COL5A3: variants seen among roughly 807,000 people sequenced by gnomAD.
COL5A3 encodes the protein collagen type V alpha 3 chain.
In COL5A3, 172 loss-of-function variants were observed where a neutral mutation model predicts 250.0. That is an observed-to-expected ratio of 0.69 (90% CI 0.61 to 0.78). The LOEUF is 0.78. Among genes scored for constraint, COL5A3 ranks in the 30% least tolerant of loss-of-function variants. COL5A3 has a pLI of 0.00. For missense variants in COL5A3, 2,340 were observed against 2,334.4 expected (o/e 1.00, Z -0.05); for synonymous variants, 937 against 900.4 (o/e 1.04, Z -0.73).
At chr19:10,005,411 T>C (rs1011667421) in intron 4 of COL5A3, 147 bp downstream of exon 4, 5 of 766,160 alleles carry the variant, frequency 6.5e-6, no homozygotes, top group Non-Finnish European at 1.1e-5. Context: ...GCTGCAACGG[T>C]GCACGAAAGC....
At chr19:10,002,152 C>G (rs1485444199) in intron 6 of COL5A3, among the ~76,000 whole-genome samples, 1 of 152,164 alleles carries the variant, frequency 6.6e-6, no homozygotes, top group East Asian at 1.9e-4. Context: ...GGGCCAGGCT[C>G]CCGGAAGCCT....
chr19:9,996,784 A>G (rs2087280436), intron 11 of COL5A3, 95 bp from the exon 12 acceptor site: 1 of 836,088 alleles, frequency 1.2e-6, no homozygotes, highest in South Asian at 1.8e-5. Flanking sequence ...TCAGAAAGAG[A>G]GAGAGAGGGA....
At chr19:9,964,921 T>C in intron 64 of COL5A3, among the ~76,000 whole-genome samples, 1 of 128,620 alleles carries the variant, frequency 7.8e-6, no homozygotes, top group Non-Finnish European at 1.6e-5. Flanking sequence ...TGGTGGCGCA[T>C]GCCTGTAATT....
In COL5A3 at chr19:9,968,069, C is replaced by T. The variant is rs765540234; in HGVS notation, c.4325G>A (p.Gly1442Asp). The change falls in exon 60 of 67, where the codon GGT (glycine) becomes GAT (aspartate). Residue 1442 changes from glycine (G) to aspartate (D), a missense_variant. Gly to Asp is a moderately conservative substitution (Grantham distance 94). Transcript: ENST00000264828. The surrounding 1 kb of genome is among the most constrained non-coding windows in gnomAD (Gnocchi z 4.1). ...PGPKGDPGPP[G>D]PIGSLGHPGP... Reference sequence around the variant, plus strand: ...AGGGTGGCCCAGAGAGCCAATGGGACCAGGGGGACCCTAGGAAAAGGACAT... The same window carrying T: ...AGGGTGGCCCAGAGAGCCAATGGGATCAGGGGGACCCTAGGAAAAGGACAT... The T allele has an allele frequency of 6.3e-7, 1 of 1,588,074 alleles. No individual in the cohort carries two copies. Among genetic ancestry groups the T allele is most frequent in the Non-Finnish European group, 8.5e-7 (1 of 1,173,324 alleles).
At chr19:9,998,604 C>T (rs1050020515) in intron 8 of COL5A3, among the ~76,000 whole-genome samples, 11 of 152,174 alleles carry the variant, frequency 7.2e-5, no homozygotes, top group Admixed American at 6.5e-5. Context: ...AAGTTAGTTA[C>T]AACTATGTGT....
intron 32 of COL5A3, 129 bp downstream of exon 32, chr19:9,981,936 C>T (rs1175834672): frequency 6.7e-6 from 5 of 746,510 alleles, no homozygotes; most frequent in African/African-American, 3.5e-5. Flanking sequence ...CATATAATAG[C>T]ATGTGTGCAC....
Position 9,997,363 on chromosome 19 carries a change from T to G in COL5A3, c.1263+8A>C, listed in dbSNP as rs753416257. 3.1e-6 allele frequency: 5 copies of G among 1,603,640 alleles called. No individual in the cohort carries two copies. In the South Asian group the frequency reaches 4.5e-5, roughly 14 times the overall value. On this transcript the variant is annotated splice_region_variant and intron_variant, in intron 11 of 66. Transcript: ENST00000264828. ...TGAGAAGTGTACACCCCAGTGGGAGTCTCTTACCGGTGGACCAGGGTCGCC... is the reference window on the plus strand; with the variant it reads ...TGAGAAGTGTACACCCCAGTGGGAGGCTCTTACCGGTGGACCAGGGTCGCC...
chr19:9,979,109 A>T (rs762947936), intron 39 of COL5A3, 23 bp downstream of exon 39: 3 of 1,524,502 alleles, frequency 2.0e-6, no homozygotes, highest in Admixed American at 2.2e-5. Context: ...TTCAACCAAG[A>T]TCTCCAGTGG....
chr19:9,971,363 C>G, intron 51 of COL5A3, 105 bp from the exon 52 acceptor site: 1 of 811,144 alleles, frequency 1.2e-6, no homozygotes, highest in Non-Finnish European at 1.9e-6. Flanking sequence ...TCTGGGGACA[C>G]ATTAGTGAAC....
In COL5A3 at chr19:9,986,747, G is replaced by A; in HGVS notation, c.2157C>T (p.Gly719=). The change falls in exon 28 of 67, where the codon GGC becomes GGT. Residue 719 remains glycine (G), a synonymous_variant. Transcript: ENST00000264828. The part of the protein sequence containing the change: ...PGPRGVKGTS[G]NRGLQGEKGE... ...CTTTCTCCCCCTGGAGGCCCCGGTT[G>A]CCTGAAGTGCCCTGGAAAATAAAAA... 1 of 1,607,508 alleles carries A rather than the reference G, an allele frequency of 6.2e-7. No individual in the cohort carries two copies.
chr19:9,979,734 C>T lies in COL5A3; in HGVS notation c.2712+105G>A, dbSNP rs181683585. On this transcript the variant is annotated intron_variant, in intron 37 of 66. Transcript: ENST00000264828. ...CTGGGAGGCAAAGGTTGCAGTGAGC[C>T]GAGATTGCCCCACTGCACTCTAGCC... 1.3e-3 allele frequency: 1,404 copies of T among 1,112,292 alleles called. 1 individual carries two copies. Among genetic ancestry groups the T allele is most frequent in the Middle Eastern group, 3.6e-3 (12 of 3,290 alleles). 68.9% of individuals were successfully genotyped at this position (1,112,292 alleles called of 1,614,324 possible). A position where few individuals can be genotyped will look rare whatever the true frequency, so the allele number is the denominator to read the frequency against.
At chr19:9,964,854 TAAAAAAAAAAAAAAAAAAAAA>T (rs57037583) in intron 64 of COL5A3, among the ~76,000 whole-genome samples, 10,372 of 48,430 alleles carry the variant, frequency 0.21, 877 homozygotes, top group South Asian at 0.41. Flanking sequence ...CCATCTCTAC[TAAAAAAAAAAAAAAAAAAAAA>T]AAAAAAAAAA....
Position 9,966,409 on chromosome 19 carries a change from G to T in COL5A3, c.4687C>A (p.Pro1563Thr). 1 of 1,604,794 alleles carries T rather than the reference G, an allele frequency of 6.2e-7. No homozygotes were observed. The highest frequency in any genetic ancestry group is 8.5e-7 in the Non-Finnish European group (1 of 1,174,274). The change falls in exon 64 of 67, where the codon CCC (proline) becomes ACC (threonine). Residue 1563 changes from proline to threonine, a missense_variant. Around this residue, in one of 3 missense-constraint regions of COL5A3, gnomAD observed 1,179 missense variants for 1,162.6 expected, o/e 1.01. Transcript: ENST00000264828. ...GAGTCCCGCGCGCAGCCCTGGTTGG[G>T]GTCAATCCAGTATTCCCCTGCCGCA... Reference protein sequence around the residue: ...HLPDGEYWIDPNQGCARDSFR... With the variant: ...HLPDGEYWIDTNQGCARDSFR...
chr19:9,987,291 T>C (rs911655505), intron 27 of COL5A3, among the ~76,000 whole-genome samples: 1 of 152,172 alleles, frequency 6.6e-6, no homozygotes, highest in Non-Finnish European at 1.5e-5. Flanking sequence ...ATGTGGTTAG[T>C]CTCCAGCTAC....
In COL5A3 at chr19:9,966,384, G is replaced by C; in HGVS notation, c.4712C>G (p.Ser1571Trp). 6.2e-7 allele frequency: 1 copy of C among 1,609,800 alleles called. No individual in the cohort carries two copies. Among genetic ancestry groups the C allele is most frequent in the Non-Finnish European group, 8.5e-7 (1 of 1,177,448 alleles). ...CGTGAAGTTGCAAAAAACCCTGAAC[G>C]AGTCCCGCGCGCAGCCCTGGTTGGG... The part of the protein sequence containing the change: ...IDPNQGCARD[S>W]FRVFCNFTAG... Residue 1571 changes from serine to tryptophan, a missense_variant, in exon 64 of 67, where the codon TCG becomes TGG. Ser to Trp is a radical substitution (Grantham distance 177). This residue lies in a region of COL5A3 where 1,179 missense variants were observed against 1,162.6 expected (regional missense o/e 1.01). Transcript: ENST00000264828.
intron 31 of COL5A3, among the ~76,000 whole-genome samples, chr19:9,982,790 CCCATT>C (rs2087028521): frequency 1.3e-5 from 2 of 152,286 alleles, no homozygotes; most frequent in East Asian, 3.9e-4. Flanking sequence ...CGCCTCAAAG[CCCATT>C]TCAGGCTCCC....
rs1309687691 is a variant in COL5A3, at chr19:9,989,509, T to C, written c.2006A>G (p.Asn669Ser). 1 of 1,612,400 alleles carries C rather than the reference T, an allele frequency of 6.2e-7. No homozygotes were observed. The highest frequency in any genetic ancestry group is 1.3e-5 in the African/African-American group (1 of 74,850). Residue 669 changes from asparagine (N) to serine (S), a missense_variant, in exon 25 of 67, where the codon AAC becomes AGC. This residue lies in a region of COL5A3 where 1,152 missense variants were observed against 1,146.3 expected (regional missense o/e 1.00). Coordinates refer to ENST00000264828, the MANE Select transcript of COL5A3 (RefSeq NM_015719.4). ...TCCTGGGAGGCCTGGAATTCCTGGGTTTCCAGGGGGACCCTGAAAGAAGAT... is the reference window on the plus strand; with the variant it reads ...TCCTGGGAGGCCTGGAATTCCTGGGCTTCCAGGGGGACCCTGAAAGAAGAT... ...GTPGEKGPPG[N>S]PGIPGLPGSD... is the part of the protein sequence containing the mutation.
Position 9,979,226 on chromosome 19 carries a change from T to C in COL5A3, c.2780A>G (p.Glu927Gly), listed in dbSNP as rs1046994742. The C allele has an allele frequency of 6.2e-7, 1 of 1,608,014 alleles. No individual in the cohort carries two copies. The highest frequency in any genetic ancestry group is 8.5e-7 in the Non-Finnish European group (1 of 1,177,702). ...GVLGPQGKTGEVGPLGERGPP... is the reference protein window; with the variant it reads ...GVLGPQGKTGGVGPLGERGPP... The stretch of plus-strand genomic sequence containing the variant: ...CCCCCTTTCACCTAGAGGTCCCACT[T>C]CTCCTGTCTTTCCCTGGTGAGGAAG... The change falls in exon 39 of 67, where the codon GAA becomes GGA. Residue 927 changes from glutamate (E) to glycine (G), a missense_variant. This residue lies in a region of COL5A3 where 1,179 missense variants were observed against 1,162.6 expected (regional missense o/e 1.01). Transcript: ENST00000264828.
intron 64 of COL5A3, among the ~76,000 whole-genome samples, chr19:9,965,218 G>T (rs1340351174): frequency 7.1e-6 from 1 of 141,428 alleles, no homozygotes; most frequent in Non-Finnish European, 1.5e-5. Flanking sequence ...TCAGTGACAC[G>T]ATCTCGGCTC....
Sources: allele counts gnomAD v4.1 joint callset (sites outside exome capture counted in the v4.1 genomes callset), GRCh38; gene constraint gnomAD v4.1.1; regional missense constraint gnomAD v4.1.1; non-coding constraint Gnocchi (gnomAD v3.1); transcripts MANE v1.5; gene names NCBI Gene and HGNC (gene_info 2026-07-23, HGNC 2026-07-21).